PIF1: variants seen among roughly 807,000 people sequenced by gnomAD.
PIF1 encodes PIF1 5'-to-3' DNA helicase.
Under a neutral mutation model 62.3 loss-of-function variants are expected in PIF1, and 67 were observed. The observed-to-expected ratio is 1.08, with a 90% CI of 0.88 to 1.32. The LOEUF is 1.32. Ranked by LOEUF, PIF1 falls within the 40% of genes most tolerant of loss-of-function variation. PIF1 has a pLI of 0.00. For synonymous variants in PIF1, 364 were observed against 379.5 expected, an observed-to-expected ratio of 0.96 and a Z score of 0.47; for missense variants, 886 against 866.1, an observed-to-expected ratio of 1.02 and a Z score of -0.29.
intron 9 of PIF1, 123 bp from the exon 10 acceptor site, chr15:64,818,467 T>C (rs570555512): frequency 1.1e-6 from 1 of 883,906 alleles, no homozygotes; most frequent in East Asian, 2.7e-5. Flanking sequence ...TCCCAATCCT[T>C]AGCTCTGCCA....
chr15:64,816,297 C>G lies in PIF1; in HGVS notation c.*1G>C. ...CTTTGTCTTCTCTTTGTGGGTGAGG[C>G]TCAGAGGATTGGGTCCATGTTCTCC... On this transcript the variant is annotated 3_prime_UTR_variant, in exon 13 of 13. Transcript: ENST00000559239. The G allele has an allele frequency of 7.4e-6, 12 of 1,614,026 alleles. No homozygotes were observed. The highest frequency in any genetic ancestry group is 9.3e-6 in the Non-Finnish European group (11 of 1,180,012).
At chr15:64,821,124 G>T in intron 6 of PIF1, 36 bp from the exon 7 acceptor site, 1 of 1,612,934 alleles carries the variant, frequency 6.2e-7, no homozygotes, top group Non-Finnish European at 8.5e-7. Context: ...TCAAGGAGCA[G>T]AGCAGACCCC....
chr15:64,818,163 G>C (rs56057073), intron 10 of PIF1, 72 bp from the exon 11 acceptor site: 516,998 of 1,610,128 alleles, frequency 0.32, 91,001 homozygotes, highest in Non-Finnish European at 0.37. Context: ...GGGGCCTTTG[G>C]AGCTTTCCTT....
intron 4 of PIF1, chr15:64,822,025 C>G (rs1362804751): frequency 4.0e-6 from 2 of 502,796 alleles, no homozygotes; most frequent in Non-Finnish European, 3.5e-6. Context: ...CAGGCGTGAG[C>G]CACTGCGCCC....
intron 9 of PIF1, 105 bp downstream of exon 9, chr15:64,819,012 C>T: frequency 1.3e-6 from 1 of 749,520 alleles, no homozygotes; most frequent in Non-Finnish European, 2.0e-6. Flanking sequence ...GTGGTCAAAG[C>T]TGGGCCCACT....
chr15:64,826,649 TATATATATATATATATACACAC>T (rs1476941771), upstream of PIF1, among the ~76,000 whole-genome samples: 1 of 35,872 alleles, frequency 2.8e-5, no homozygotes, highest in African/African-American at 9.9e-5. Context: ...TATATATATA[TATATATATATATATATACACAC>T]ACACACACAT....
rs2084302639 is a variant in PIF1, at chr15:64,822,375, A to G, written c.708T>C (p.Tyr236=). ...FTGSAGTGKS[Y]LLKRILGSLP... is the part of the protein sequence containing the mutation. ...GTGAGCCCAGGATTCGCTTTAGCAG[A>G]TATGACTTCCCTGTTCCTGGACAGG... Residue 236 remains tyrosine, a synonymous_variant, in exon 4 of 13, where the codon TAT becomes TAC. Coordinates refer to ENST00000559239, the MANE Select transcript of PIF1 (RefSeq NM_001286496.2). 2.5e-6 allele frequency: 4 copies of G among 1,613,966 alleles called. No individual in the cohort carries two copies. The highest frequency in any genetic ancestry group is 3.3e-5 in the Admixed American group (2 of 59,988).
chr15:64,823,437 G>A (rs770826229), intron 2 of PIF1: 6 of 185,082 alleles, frequency 3.2e-5, no homozygotes, highest in East Asian at 2.6e-4. Context: ...TAGTAGATAC[G>A]AGGTTTCACC....
rs150850791 is a variant in PIF1, at chr15:64,824,989, CTATA to C, written c.-20+576_-20+579del. ...TATACACACAATATATATACAATTT[CTATA>C]TATATACACACACACACACACACAC... On this transcript the variant is annotated intron_variant, in intron 1 of 12. Coordinates refer to ENST00000559239, the MANE Select transcript of PIF1 (RefSeq NM_001286496.2). Among the ~76,000 whole-genome samples the C allele has an allele frequency of 1.8e-3, 251 of 139,728 alleles. 1 individual carries two copies. The highest frequency in any genetic ancestry group is 7.1e-3 in the Middle Eastern group (2 of 280). 91.7% of individuals were successfully genotyped at this position (139,728 alleles called of 152,430 possible). A position where few individuals can be genotyped will look rare whatever the true frequency, so the allele number is the denominator to read the frequency against.
At chr15:64,825,133 A>G (rs112078823) in intron 1 of PIF1, among the ~76,000 whole-genome samples, 1 of 152,074 alleles carries the variant, frequency 6.6e-6, no homozygotes, top group African/African-American at 2.4e-5. Flanking sequence ...CCCTGCGCAG[A>G]AAGAATCCTC....
rs1021022092 is a variant in PIF1 at position 64,815,722 on chromosome 15, A to G, written c.*576T>C. On this transcript the variant is annotated 3_prime_UTR_variant, in exon 13 of 13. Coordinates refer to ENST00000559239, the MANE Select transcript of PIF1 (RefSeq NM_001286496.2). ...TCCCCAAACACTATTTATCCCCTGA[A>G]AAAGCAGCTTAAAATATGGGTGCAC... The G allele has an allele frequency of 3.5e-5, 55 of 1,550,462 alleles. No individual in the cohort carries two copies. The East Asian group carries it at 8.5e-4, about 24-fold the overall frequency.
Position 64,821,150 on chromosome 15 carries a change from TA to T in PIF1, c.1086+16del, listed in dbSNP as rs1191472182. 1 of 1,613,570 alleles carries T rather than the reference TA, an allele frequency of 6.2e-7. No individual in the cohort carries two copies. Among genetic ancestry groups the T allele is most frequent in the Non-Finnish European group, 8.5e-7 (1 of 1,179,772 alleles). On this transcript the variant is annotated intron_variant, in intron 6 of 12. Coordinates refer to ENST00000559239, the MANE Select transcript of PIF1 (RefSeq NM_001286496.2). Reference sequence around the variant, plus strand: ...AGCAGACCCCCAAGGAGAGCAGAGCTAGGAGGTGAGTAATACCTGGAAGCAG... The same window carrying T: ...AGCAGACCCCCAAGGAGAGCAGAGCTGGAGGTGAGTAATACCTGGAAGCAG...
chr15:64,826,727 C>T (rs559172875), upstream of PIF1, among the ~76,000 whole-genome samples: 4 of 131,430 alleles, frequency 3.0e-5, no homozygotes, highest in African/African-American at 1.1e-4. Flanking sequence ...TATACACACA[C>T]ATATATATAT....
intron 7 of PIF1, among the ~76,000 whole-genome samples, chr15:64,820,611 G>A (rs1419846646): frequency 6.6e-6 from 1 of 152,144 alleles, no homozygotes; most frequent in Non-Finnish European, 1.5e-5. Flanking sequence ...TGGCCAGGCT[G>A]GTCTCAAACT....
chr15:64,826,509 C>G (rs1487072869), upstream of PIF1, among the ~76,000 whole-genome samples: 3 of 150,176 alleles, frequency 2.0e-5, no homozygotes, highest in Non-Finnish European at 4.4e-5. Flanking sequence ...CTGCTCACTG[C>G]AACCTCTGCC....
At chr15:64,816,803 C>T (rs2084192995) in intron 11 of PIF1, 38 bp from the exon 12 acceptor site, 3 of 1,533,060 alleles carry the variant, frequency 2.0e-6, no homozygotes, top group Non-Finnish European at 2.6e-6. Context: ...TCAGCTCAGC[C>T]TTAAGTCCCT....
Position 64,815,910 on chromosome 15 carries a change from T to G in PIF1, c.*388A>C. 1 of 1,550,546 alleles carries G rather than the reference T, an allele frequency of 6.4e-7. No individual in the cohort carries two copies. Among genetic ancestry groups the G allele is most frequent in the South Asian group, 1.2e-5 (1 of 84,060 alleles). ...CCCCTCCAAGAGCCCTGATGCTGCT[T>G]CCGGAGCACCTGTCTTCATTGCCTC... On this transcript the variant is annotated 3_prime_UTR_variant, in exon 13 of 13. Transcript: ENST00000559239.
chr15:64,823,773 C>T lies in PIF1; in HGVS notation c.558+5G>A. The T allele has an allele frequency of 7.6e-7, 1 of 1,318,820 alleles. No homozygotes were observed. The highest frequency in any genetic ancestry group is 2.8e-5 in the South Asian group (1 of 35,392). The allele number at this position is 1,318,820 out of a possible 1,614,324, so 81.7% of individuals were successfully genotyped here. A position where few individuals can be genotyped will look rare whatever the true frequency, so the allele number is the denominator to read the frequency against. ...CTAAAGGTGTCCCTTCTTTCCCGTC[C>T]TCACTGTGCTAGGCTCGGCCCCAGC... On this transcript the variant is annotated splice_donor_5th_base_variant and intron_variant, in intron 2 of 12. Transcript: ENST00000559239.
intron 1 of PIF1, among the ~76,000 whole-genome samples, chr15:64,825,238 G>A (rs1467073580): frequency 1.3e-5 from 2 of 152,024 alleles, no homozygotes; most frequent in East Asian, 1.9e-4. Flanking sequence ...GAGGGCTGCC[G>A]TGTAATAAGC....
Sources: gnomAD v4.1 joint callset for allele counts (sites outside exome capture counted in the v4.1 genomes callset) on GRCh38, gnomAD v4.1.1 for gene constraint, MANE v1.5 for transcripts, NCBI Gene and HGNC (gene_info 2026-07-23, HGNC 2026-07-21) for gene names.